Variants in DNAH11 observed in about 807,000 individuals in gnomAD.
DNAH11 encodes axonemal beta dynein heavy chain 11.
A neutral mutation model predicts 526.0 loss-of-function variants in DNAH11; 442 were observed. That is an observed-to-expected ratio of 0.84 (90% CI 0.78 to 0.91). The LOEUF (loss-of-function observed/expected upper bound fraction) is 0.91, where lower values mean the gene tolerates loss of function less well. Among genes scored for constraint, DNAH11 ranks in the 40% least tolerant of loss-of-function variants. DNAH11 has a pLI of 0.00. For synonymous variants in DNAH11, 2,461 were observed against 1,935.9 expected, an observed-to-expected ratio of 1.27 and a Z score of -7.12; for missense variants, 6,989 against 5,448.7, an observed-to-expected ratio of 1.28 and a Z score of -8.90.
intron 61 of DNAH11, among the ~76,000 whole-genome samples, chr7:21,796,629 G>A (rs920391133): frequency 1.3e-5 from 2 of 152,176 alleles, no homozygotes; most frequent in African/African-American, 4.8e-5. Flanking sequence ...ACCATCACCT[G>A]GAACAAATAG....
intron 61 of DNAH11, among the ~76,000 whole-genome samples, chr7:21,794,572 G>T (rs1043048695): frequency 1.3e-5 from 2 of 152,192 alleles, no homozygotes; most frequent in Non-Finnish European, 2.9e-5. Context: ...CTGGCTTTGT[G>T]TGAAAGCTAG....
At chr7:21,615,996 A>T (rs896420330) in intron 21 of DNAH11, among the ~76,000 whole-genome samples, 1 of 152,230 alleles carries the variant, frequency 6.6e-6, no homozygotes. Context: ...CTAGAAATTA[A>T]TATATCATAA....
chr7:21,805,525 A>G (rs1789224159), intron 62 of DNAH11, among the ~76,000 whole-genome samples: 1 of 152,168 alleles, frequency 6.6e-6, no homozygotes, highest in Admixed American at 6.5e-5. Context: ...AAATTTCACC[A>G]GTACTAGTAC....
chr7:21,856,073 A>G (rs1782835668), intron 68 of DNAH11, among the ~76,000 whole-genome samples: 1 of 152,140 alleles, frequency 6.6e-6, no homozygotes, highest in South Asian at 2.1e-4. Context: ...GTAGTGAGTG[A>G]ATTTCTGTGG....
intron 54 of DNAH11, among the ~76,000 whole-genome samples, chr7:21,756,883 C>T (rs1786663035): frequency 6.6e-6 from 1 of 152,134 alleles, no homozygotes; most frequent in Non-Finnish European, 1.5e-5. Context: ...CACGTGTCTT[C>T]CTTTAGTCAA....
intron 14 of DNAH11, among the ~76,000 whole-genome samples, chr7:21,598,586 AAAATAAAT>A (rs57037889): frequency 0.21 from 31,138 of 148,722 alleles, 3,695 homozygotes; most frequent in East Asian, 0.56. Flanking sequence ...ATGGTATGCA[AAAATAAAT>A]AAATAAATAA....
chr7:21,751,216 T>G (rs1786397860), intron 54 of DNAH11, among the ~76,000 whole-genome samples: 1 of 151,968 alleles, frequency 6.6e-6, no homozygotes. Flanking sequence ...CCCAGCTACT[T>G]GGGTGGCTGA....
chr7:21,791,663 T>C (rs1041283625), intron 61 of DNAH11, among the ~76,000 whole-genome samples: 10 of 152,306 alleles, frequency 6.6e-5, no homozygotes, highest in Admixed American at 3.9e-4. Context: ...AGTAGGTATT[T>C]CTTTCCATCA....
intron 14 of DNAH11, among the ~76,000 whole-genome samples, chr7:21,598,101 A>G (rs1241752289): frequency 6.6e-6 from 1 of 152,212 alleles, no homozygotes; most frequent in Non-Finnish European, 1.5e-5. Context: ...TTACAACATA[A>G]CACCTTTGCA....
rs1562492284 is a variant in DNAH11 at position 21,690,855 on chromosome 7, A to G, written c.6015A>G (p.Leu2005=). Residue 2005 remains leucine, a synonymous_variant, in exon 35 of 82, where the codon TTA becomes TTG. Coordinates refer to ENST00000409508, the MANE Select transcript of DNAH11 (RefSeq NM_001277115.2). ...CGGGTTATGCTGGTCGAACCGAATT[A>G]CCGGAAAATCTCAAAGCTCTTTTCA... ...MNPGYAGRTE[L]PENLKALFRP... is the part of the protein sequence containing the mutation. 1.9e-6 allele frequency: 3 copies of G among 1,612,694 alleles called. No individual in the cohort carries two copies. Among genetic ancestry groups the G allele is most frequent in the African/African-American group, 1.3e-5 (1 of 74,886 alleles).
chr7:21,901,398 G>T lies in DNAH11; in HGVS notation c.*144G>T, dbSNP rs1344897164. The T allele has an allele frequency of 2.5e-6, 3 of 1,201,242 alleles. No individual in the cohort carries two copies. 74.4% of individuals were successfully genotyped at this position (1,201,242 alleles called of 1,614,324 possible). ...TTTCAACGCTATCCTTAGAGTGAAAGTCAGAAAAAAATACTAGAAACTAAC... is the reference window on the plus strand; with the variant it reads ...TTTCAACGCTATCCTTAGAGTGAAATTCAGAAAAAAATACTAGAAACTAAC... On this transcript the variant is annotated 3_prime_UTR_variant, in exon 82 of 82. Coordinates refer to ENST00000409508, the MANE Select transcript of DNAH11 (RefSeq NM_001277115.2).
intron 65 of DNAH11, among the ~76,000 whole-genome samples, chr7:21,840,046 A>T (rs1252902662): frequency 6.6e-6 from 1 of 152,252 alleles, no homozygotes; most frequent in Non-Finnish European, 1.5e-5. Context: ...CCAGTGGTTC[A>T]GAGGCACTTT....
chr7:21,637,753 CT>C, intron 27 of DNAH11, 51 bp downstream of exon 27: 1 of 1,140,724 alleles, frequency 8.8e-7, no homozygotes, highest in African/African-American at 1.6e-5. Flanking sequence ...TTTATGAAGT[CT>C]TTTTCACATA....
intron 71 of DNAH11, among the ~76,000 whole-genome samples, chr7:21,867,205 C>A (rs528576212): frequency 6.6e-6 from 1 of 152,200 alleles, no homozygotes; most frequent in Non-Finnish European, 1.5e-5. Context: ...TTAATTCACA[C>A]AAGTCTCATT....
chr7:21,604,603 G>A (rs912508213), intron 18 of DNAH11, among the ~76,000 whole-genome samples: 10 of 152,188 alleles, frequency 6.6e-5, no homozygotes, highest in Non-Finnish European at 1.2e-4. Context: ...CTCAGTTTCA[G>A]TGTCACCTCC....
At chr7:21,757,950 C>T (rs918432183) in intron 54 of DNAH11, among the ~76,000 whole-genome samples, 3 of 152,320 alleles carry the variant, frequency 2.0e-5, no homozygotes, top group Non-Finnish European at 2.9e-5. Flanking sequence ...ATTGTAAAGT[C>T]GAGTCTCTTC....
At chr7:21,656,751 G>T (rs2128465316) in intron 29 of DNAH11, among the ~76,000 whole-genome samples, 1 of 152,172 alleles carries the variant, frequency 6.6e-6, no homozygotes, top group African/African-American at 2.4e-5. Flanking sequence ...AAAGATGAGT[G>T]GCAACCTTAT....
Position 21,637,686 on chromosome 7 carries a change from A to T in DNAH11, c.4801A>T (p.Lys1601Ter). The T allele has an allele frequency of 6.4e-7, 1 of 1,564,424 alleles. No individual in the cohort carries two copies. Reference protein sequence around the residue: ...TCRPNLYEKLKDLQSRLSLCE... With the variant: ...TCRPNLYEKL Reference sequence around the variant, plus strand: ...CAGACCTAATCTCTATGAAAAACTTAAAGATTTACAGTCCAGGTAAGAATA... The same window carrying T: ...CAGACCTAATCTCTATGAAAAACTTTAAGATTTACAGTCCAGGTAAGAATA... The change falls in exon 27 of 82, where the codon AAA (lysine) becomes TAA (stop). Residue 1601 changes from lysine to a stop codon, truncating the protein, a stop_gained. Coordinates refer to ENST00000409508, the MANE Select transcript of DNAH11 (RefSeq NM_001277115.2). LOFTEE classifies it high-confidence loss of function.
chr7:21,727,399 CT>C (rs1277505560), intron 45 of DNAH11, among the ~76,000 whole-genome samples: 1 of 152,162 alleles, frequency 6.6e-6, no homozygotes, highest in African/African-American at 2.4e-5. Flanking sequence ...TTAGTTAGTA[CT>C]TTTCACGTAT....
Sources: allele counts gnomAD v4.1 joint callset (sites outside exome capture counted in the v4.1 genomes callset), GRCh38; gene constraint gnomAD v4.1.1; transcripts MANE v1.5; gene names NCBI Gene and HGNC (gene_info 2026-07-23, HGNC 2026-07-21).